The following KCNAB2 variants were observed in gnomAD, a reference collection of about 807,000 sequenced individuals.
KCNAB2 encodes the protein potassium voltage-gated channel subfamily A regulatory beta subunit 2.
In KCNAB2, 29 loss-of-function variants were observed where a neutral mutation model predicts 63.6. That is an observed-to-expected ratio of 0.46 (90% CI 0.34 to 0.62). The LOEUF is 0.62. Ranked by LOEUF, KCNAB2 falls within the 20% of genes least tolerant of loss-of-function variation. KCNAB2 has a pLI of 0.01. For synonymous variants in KCNAB2, 222 were observed against 224.2 expected (o/e 0.99, Z 0.09); for missense variants, 359 against 563.9 (o/e 0.64, Z 3.68).
chr1:6,097,412 C>T, intron 15 of KCNAB2, 55 bp downstream of exon 15: 3 of 1,548,330 alleles, frequency 1.9e-6, no homozygotes, highest in Non-Finnish European at 2.6e-6. Context: ...GAGCCCCGTC[C>T]AGTGCATCCT....
At position 6,100,439 on chromosome 1, in the gene KCNAB2, T is replaced by G; in HGVS notation, c.*1865T>G. ...CTGGGCCCAGGTGGGGGTCGCCTGC[T>G]TCCTTCCCGGACAGGGTCCTGCAGT... On this transcript the variant is annotated 3_prime_UTR_variant, in exon 16 of 16. Transcript: ENST00000378083. 2 of 164,976 alleles carry G rather than the reference T, an allele frequency of 1.2e-5. No homozygotes were observed. The highest frequency in any genetic ancestry group is 2.6e-5 in the Non-Finnish European group (2 of 76,582). 10.2% of individuals were successfully genotyped at this position (164,976 alleles called of 1,614,324 possible).
intron 1 of KCNAB2, among the ~76,000 whole-genome samples, chr1:6,020,635 C>T (rs1328063883): frequency 1.3e-5 from 2 of 152,146 alleles, no homozygotes; most frequent in Non-Finnish European, 2.9e-5. Context: ...AGCCAGCAAC[C>T]GTATCTACCA....
Position 6,100,158 on chromosome 1 carries a change from G to C in KCNAB2, c.*1584G>C. ...CTGCGGGAGCCTGCTGTCCAGTCCT[G>C]GCCGGGCCAAGGCCTGGGAAACTGT... On this transcript the variant is annotated 3_prime_UTR_variant, in exon 16 of 16. Coordinates refer to ENST00000378083, the MANE Select transcript of KCNAB2 (RefSeq NM_001199862.2). 1 of 1,354,816 alleles carries C rather than the reference G, an allele frequency of 7.4e-7. No individual in the cohort carries two copies. The highest frequency in any genetic ancestry group is 9.6e-7 in the Non-Finnish European group (1 of 1,037,428). The allele number at this position is 1,354,816 out of a possible 1,614,324, so 83.9% of individuals were successfully genotyped here.
chr1:6,001,637 C>T (rs892509248), intron 1 of KCNAB2, among the ~76,000 whole-genome samples: 4 of 152,142 alleles, frequency 2.6e-5, no homozygotes, highest in East Asian at 1.9e-4. Flanking sequence ...GGTCAGGGGA[C>T]GCTTCCCCCC....
rs993263480 is a variant in KCNAB2 at position 6,028,607 on chromosome 1, G to A, written c.-52-11910G>A. Among the ~76,000 whole-genome samples the A allele has an allele frequency of 2.6e-5, 4 of 152,322 alleles. No individual in the cohort carries two copies. The highest frequency in any genetic ancestry group is 3.4e-3 in the Middle Eastern group (1 of 294). On this transcript the variant is annotated intron_variant, in intron 1 of 16. Coordinates refer to the KCNAB2 transcript ENST00000341524. This position sits in a 1 kb window ranked among gnomAD's most constrained non-coding sequence, Gnocchi z 4.0. ...ACATGCTGGTGGCCGCTCTGGGTGC[G>A]GGGGTACATCCGTGAAGGAAAGAGA...
At chr1:6,045,650 C>A (rs921435937), upstream of KCNAB2, among the ~76,000 whole-genome samples, 1 of 152,210 alleles carries the variant, frequency 6.6e-6, no homozygotes, top group Non-Finnish European at 1.5e-5. This position sits in a 1 kb window ranked among gnomAD's most constrained non-coding sequence, Gnocchi z 4.8. Flanking sequence ...TGGCCCCATA[C>A]GACGGGGCCC....
rs988685115 is a variant in KCNAB2 at position 6,096,761 on chromosome 1, C to T, written c.1069+5C>T. Reference sequence around the variant, plus strand: ...CCCTGCCCCAGCTGGCCATAGGTAACGGTGGGGTCGCCATGGGGCCAGTGC... The same window carrying T: ...CCCTGCCCCAGCTGGCCATAGGTAATGGTGGGGTCGCCATGGGGCCAGTGC... On this transcript the variant is annotated splice_donor_5th_base_variant and intron_variant, in intron 14 of 15. Coordinates refer to ENST00000378083, the MANE Select transcript of KCNAB2 (RefSeq NM_001199862.2). The surrounding 1 kb of genome is among the most constrained non-coding windows in gnomAD (Gnocchi z 5.9). 9 of 1,566,984 alleles carry T rather than the reference C, an allele frequency of 5.7e-6. No homozygotes were observed. The highest frequency in any genetic ancestry group is 1.9e-5 in the Admixed American group (1 of 53,414).
intron 2 of KCNAB2, among the ~76,000 whole-genome samples, chr1:6,060,098 C>G (rs1662181412): frequency 6.6e-6 from 1 of 152,194 alleles, no homozygotes. Context: ...AGTGAGTCAC[C>G]CTACTCCAGA....
At chr1:6,095,179 TGAGTGTGAGC>T in intron 11 of KCNAB2, 134 bp from the exon 12 acceptor site, 1 of 825,802 alleles carries the variant, frequency 1.2e-6, no homozygotes, top group East Asian at 2.7e-5. Context: ...AGGGAAGCTA[TGAGTGTGAGC>T]AGTGGGGAGC....
chr1:6,080,640 C>T (rs901288194), intron 4 of KCNAB2, among the ~76,000 whole-genome samples: 3 of 152,118 alleles, frequency 2.0e-5, no homozygotes, highest in Non-Finnish European at 2.9e-5. Context: ...GCCAGGCTGC[C>T]GGCCAGATTT....
intron 2 of KCNAB2, among the ~76,000 whole-genome samples, chr1:6,064,153 C>G (rs1229280620): frequency 6.6e-6 from 1 of 152,222 alleles, no homozygotes; most frequent in Non-Finnish European, 1.5e-5. Flanking sequence ...GGCCAGCATG[C>G]GTAGCACCAC....
intron 2 of KCNAB2, among the ~76,000 whole-genome samples, chr1:6,059,747 G>A (rs900129240): frequency 1.3e-5 from 2 of 152,246 alleles, no homozygotes; most frequent in Admixed American, 6.5e-5. Flanking sequence ...TCACAGCCGC[G>A]GGCCTCTCTC....
In KCNAB2 at chr1:6,068,226, G is replaced by A. The variant is rs554116596; in HGVS notation, c.219-4529G>A. On this transcript the variant is annotated intron_variant, in intron 2 of 15. Coordinates refer to ENST00000378083, the MANE Select transcript of KCNAB2 (RefSeq NM_001199862.2). ...TGTTTCCCTCCTAAAACTCATTGAG[G>A]AGTGGCTCTCAGAGGGTGAATGCTC... 1.2e-4 allele frequency among the ~76,000 whole-genome samples: 19 copies of A among 152,352 alleles called. No individual in the cohort carries two copies. In the South Asian group the frequency reaches 3.7e-3, roughly 30 times the overall value.
Position 6,001,296 on chromosome 1 carries a change from C to CCACACACA in KCNAB2, c.-53+8536_-53+8543dup, listed in dbSNP as rs56828069. Among the ~76,000 whole-genome samples, 19 of 147,070 alleles carry CCACACACA rather than the reference C, an allele frequency of 1.3e-4. No individual in the cohort carries two copies. In the East Asian group the frequency reaches 1.7e-3, roughly 13 times the overall value. The stretch of plus-strand genomic sequence containing the variant: ...GAGCTGCTCCAGCTGCATGTGATCA[C>CCACACACA]CACACACACACACACACACACACAC... On this transcript the variant is annotated intron_variant, in intron 1 of 16. Transcript: ENST00000341524.
At chr1:6,091,147 T>C in intron 9 of KCNAB2, 116 bp from the exon 10 acceptor site, 2 of 750,834 alleles carry the variant, frequency 2.7e-6, no homozygotes, top group Non-Finnish European at 4.6e-6. Context: ...CCTTTTTAAC[T>C]AAACGCGTGT....
At chr1:6,033,481 A>G (rs1233088301), upstream of KCNAB2, among the ~76,000 whole-genome samples, 1 of 152,080 alleles carries the variant, frequency 6.6e-6, no homozygotes, top group Non-Finnish European at 1.5e-5. Flanking sequence ...GTGCCTGTGC[A>G]TGTATGCATG....
In KCNAB2 at chr1:6,096,824, A is replaced by G; in HGVS notation, c.1069+68A>G. The G allele has an allele frequency of 6.8e-7, 1 of 1,471,128 alleles. No individual in the cohort carries two copies. Among genetic ancestry groups the G allele is most frequent in the Non-Finnish European group, 9.1e-7 (1 of 1,102,758 alleles). The allele number at this position is 1,471,128 out of a possible 1,614,324, so 91.1% of individuals were successfully genotyped here. A position where few individuals can be genotyped will look rare whatever the true frequency, so the allele number is the denominator to read the frequency against. The stretch of plus-strand genomic sequence containing the variant: ...CCTGCCCCAGCTGGCCGTAGGTAAC[A>G]GGGTGGGGTTGCCATGGGGCCAGTG... On this transcript the variant is annotated intron_variant, in intron 14 of 15. Coordinates refer to ENST00000378083, the MANE Select transcript of KCNAB2 (RefSeq NM_001199862.2). This position sits in a 1 kb window ranked among gnomAD's most constrained non-coding sequence, Gnocchi z 5.9.
At chr1:6,018,391 A>C (rs770946818) in intron 1 of KCNAB2, among the ~76,000 whole-genome samples, 3 of 152,098 alleles carry the variant, frequency 2.0e-5, no homozygotes, top group Admixed American at 1.3e-4. Context: ...TCTGTCCCCC[A>C]AGATTGATAG....
chr1:6,004,328 T>C (rs1006624801), intron 1 of KCNAB2, among the ~76,000 whole-genome samples: 1 of 151,938 alleles, frequency 6.6e-6, no homozygotes, highest in African/African-American at 2.4e-5. Flanking sequence ...CCCAAGTAGC[T>C]GGGACTGCAG....
Sources: gnomAD v4.1 joint callset for allele counts (sites outside exome capture counted in the v4.1 genomes callset) on GRCh38, gnomAD v4.1.1 for gene constraint, Gnocchi (gnomAD v3.1) non-coding constraint, MANE v1.5 for transcripts, NCBI Gene and HGNC (gene_info 2026-07-23, HGNC 2026-07-21) for gene names.